Variants in RUFY3 observed in about 807,000 individuals in gnomAD.
RUFY3 encodes protein RUFY3.
RUFY3 carries 34 observed loss-of-function variants against 84.0 expected under a neutral mutation model. That is an observed-to-expected ratio of 0.40 (90% CI 0.31 to 0.54). RUFY3 has a LOEUF of 0.54. Ranked by LOEUF, RUFY3 falls within the 20% of genes least tolerant of loss-of-function variation. The pLI, the probability that RUFY3 is intolerant of heterozygous loss-of-function variation, is 0.39. For synonymous variants in RUFY3, 242 were observed against 252.9 expected, an observed-to-expected ratio of 0.96 and a Z score of 0.41; for missense variants, 507 against 736.8, an observed-to-expected ratio of 0.69 and a Z score of 3.61.
exon 1 of RUFY3, chr4:70,704,829 G>A (rs1406247079): frequency 5.6e-6 from 4 of 713,394 alleles, no homozygotes; most frequent in Middle Eastern, 4.8e-4. Context: ...GGCGGTGGCG[G>A]CGGCGGCGCA....
At position 70,763,626 on chromosome 4, in the gene RUFY3, G is replaced by A; in HGVS notation, c.427G>A (p.Ala143Thr). The change falls in exon 3 of 18, where the codon GCC becomes ACC. Residue 143 changes from alanine to threonine, a missense_variant. Physicochemically the swap from Ala to Thr is moderately conservative, Grantham distance 58 (BLOSUM62 0). Coordinates refer to ENST00000381006, the MANE Select transcript of RUFY3 (RefSeq NM_001037442.4). ...LELVEKLVPE[A>T]AEITASVKDL... ...ACTGGTAGAAAAGCTTGTTCCAGAA[G>A]CCGCAGAGATAACAGCAAGTGTTAA... The A allele has an allele frequency of 6.2e-7, 1 of 1,612,768 alleles. No individual in the cohort carries two copies. Among genetic ancestry groups the A allele is most frequent in the Non-Finnish European group, 8.5e-7 (1 of 1,179,062 alleles).
Position 70,769,650 on chromosome 4 carries a change from C to A in RUFY3, c.696+989C>A, listed in dbSNP as rs1726622439. 1.3e-5 allele frequency among the ~76,000 whole-genome samples: 2 copies of A among 152,180 alleles called. 1 individual carries two copies. The highest frequency in any genetic ancestry group is 1.3e-4 in the Admixed American group (2 of 15,272). On this transcript the variant is annotated intron_variant, in intron 5 of 17. Transcript: ENST00000381006. ...TTACAAAAGATTTCTCTGTAGCATA[C>A]CACGCTGTTTGACAGCATTTTACCC...
intron 1 of RUFY3, among the ~76,000 whole-genome samples, chr4:70,747,510 AAAC>A (rs888642644): frequency 1.3e-5 from 2 of 152,062 alleles, no homozygotes; most frequent in Non-Finnish European, 2.9e-5. Context: ...AAAAAAAAAA[AAAC>A]AAATTCCTGA....
At chr4:70,792,571 G>A (rs1730991166) in intron 12 of RUFY3, 11 of 985,252 alleles carry the variant, frequency 1.1e-5, no homozygotes, top group South Asian at 4.7e-5. Context: ...TCCTTCAAAA[G>A]GTCCTGACAA....
intron 1 of RUFY3, among the ~76,000 whole-genome samples, chr4:70,727,686 C>G (rs1391929171): frequency 1.3e-5 from 2 of 150,220 alleles, no homozygotes; most frequent in Admixed American, 6.7e-5. Flanking sequence ...ACTCGGGAGG[C>G]TGAGGCAGGA....
chr4:70,709,084 G>A (rs1740680019), intron 1 of RUFY3, among the ~76,000 whole-genome samples: 1 of 152,070 alleles, frequency 6.6e-6, no homozygotes, highest in African/African-American at 2.4e-5. Flanking sequence ...ATAGAAGGTA[G>A]CCTAAACTTT....
At chr4:70,741,561 C>G in intron 1 of RUFY3, 1 of 1,348,348 alleles carries the variant, frequency 7.4e-7, no homozygotes, top group Middle Eastern at 1.8e-4. Flanking sequence ...TTTTTAATAG[C>G]ACTTTTCTTT....
intron 1 of RUFY3, among the ~76,000 whole-genome samples, chr4:70,757,231 C>T (rs1724177809): frequency 6.6e-6 from 1 of 152,162 alleles, no homozygotes; most frequent in African/African-American, 2.4e-5. Flanking sequence ...GAGTTGTGAT[C>T]GTGCCACTGC....
chr4:70,786,119 G>T (rs1430194537), intron 10 of RUFY3, among the ~76,000 whole-genome samples: 1 of 152,134 alleles, frequency 6.6e-6, no homozygotes, highest in African/African-American at 2.4e-5. Context: ...TGAACCTGGA[G>T]GACATTATGT....
Position 70,775,162 on chromosome 4 carries a change from C to A in RUFY3, c.759-6C>A. The A allele has an allele frequency of 6.3e-7, 1 of 1,588,480 alleles. No homozygotes were observed. Among genetic ancestry groups the A allele is most frequent in the South Asian group, 1.1e-5 (1 of 88,346 alleles). ...TTTTATTTCTATTTTCTTCCCCTTC[C>A]CCCAGAGACGGTCAGATTACTGCAA... On this transcript the variant is annotated splice_region_variant and splice_polypyrimidine_tract_variant and intron_variant, in intron 6 of 17. Transcript: ENST00000381006.
chr4:70,758,964 G>A (rs921966725), intron 1 of RUFY3, among the ~76,000 whole-genome samples: 1 of 152,068 alleles, frequency 6.6e-6, no homozygotes, highest in African/African-American at 2.4e-5. Context: ...CATGAACCCG[G>A]GAGGCGGAGC....
At chr4:70,749,422 T>C (rs1722758055) in intron 1 of RUFY3, among the ~76,000 whole-genome samples, 1 of 152,040 alleles carries the variant, frequency 6.6e-6, no homozygotes, top group South Asian at 2.1e-4. Flanking sequence ...TATTAAAGAT[T>C]AGAGAAATGT....
At chr4:70,725,298 C>T (rs1029615156) in intron 1 of RUFY3, among the ~76,000 whole-genome samples, 9 of 151,462 alleles carry the variant, frequency 5.9e-5, no homozygotes, top group African/African-American at 2.2e-4. Flanking sequence ...TATTGGTGGT[C>T]AATGAGGGAT....
intron 8 of RUFY3, among the ~76,000 whole-genome samples, chr4:70,779,192 T>C (rs1263277317): frequency 6.6e-6 from 1 of 152,230 alleles, no homozygotes; most frequent in African/African-American, 2.4e-5. Flanking sequence ...GACAGTTACA[T>C]AGATAAGGTG....
At chr4:70,707,135 T>C (rs1302970779) in intron 1 of RUFY3, among the ~76,000 whole-genome samples, 1 of 152,268 alleles carries the variant, frequency 6.6e-6, no homozygotes, top group African/African-American at 2.4e-5. Flanking sequence ...AAAATAACAG[T>C]ATTTTGTTAC....
chr4:70,704,873 A>T, exon 1 of RUFY3: 1 of 1,082,732 alleles, frequency 9.2e-7, no homozygotes, highest in East Asian at 3.6e-5. Flanking sequence ...CCTCGCCCTG[A>T]CCCTCTGCTC....
intron 1 of RUFY3, among the ~76,000 whole-genome samples, chr4:70,716,845 C>CA (rs531822773): frequency 0.013 from 945 of 72,304 alleles, 4 homozygotes; most frequent in Non-Finnish European, 0.014. Flanking sequence ...AACTCTGTCT[C>CA]AAAAAAAAAA....
At chr4:70,716,323 T>C (rs1052167871) in intron 1 of RUFY3, among the ~76,000 whole-genome samples, 1 of 151,806 alleles carries the variant, frequency 6.6e-6, no homozygotes, top group African/African-American at 2.4e-5. Context: ...TTTTTGTATT[T>C]TTACTAGAGA....
chr4:70,704,086 G>A (rs1324373619), upstream of RUFY3: 4 of 152,218 alleles, frequency 2.6e-5, no homozygotes, highest in African/African-American at 7.2e-5. Context: ...CGGGCACTGT[G>A]AAAGAGAAAA....
Sources: allele counts gnomAD v4.1 joint callset (sites outside exome capture counted in the v4.1 genomes callset), GRCh38; gene constraint gnomAD v4.1.1; transcripts MANE v1.5; gene names NCBI Gene and HGNC (gene_info 2026-07-23, HGNC 2026-07-21).